The following INO80 variants were observed in gnomAD, a reference collection of about 807,000 sequenced individuals.
INO80 encodes INO80 complex ATPase subunit, also known as chromatin-remodeling ATPase INO80.
INO80 carries 20 observed loss-of-function variants against 203.4 expected under a neutral mutation model. The ratio of observed to expected loss-of-function variants is 0.10; its 90% CI spans 0.07 to 0.14. The LOEUF (loss-of-function observed/expected upper bound fraction) is 0.14. Among genes scored for constraint, INO80 ranks in the 10% least tolerant of loss-of-function variants. The pLI is 1.00. For missense variants in INO80, 1,419 were observed against 1,914.4 expected (o/e 0.74, Z 4.83); for synonymous variants, 726 against 685.2 (o/e 1.06, Z -0.93).
chr15:41,007,906 G>A (rs1421605885), intron 27 of INO80, among the ~76,000 whole-genome samples: 1 of 152,204 alleles, frequency 6.6e-6, no homozygotes, highest in Non-Finnish European at 1.5e-5. Context: ...GGACGAAGTG[G>A]CTCACGCCTG....
At chr15:41,091,949 G>A in intron 5 of INO80, 78 bp downstream of exon 5, 2 of 1,325,696 alleles carry the variant, frequency 1.5e-6, no homozygotes, top group East Asian at 2.3e-5. Flanking sequence ...ACCACGCCCA[G>A]CCAAAATGAT....
At chr15:41,017,643 T>C (rs2044230148) in intron 26 of INO80, 1 of 152,230 alleles carries the variant, frequency 6.6e-6, no homozygotes, top group Admixed American at 6.5e-5. Flanking sequence ...CCATAACAAA[T>C]CATCAGCCAC....
intron 24 of INO80, among the ~76,000 whole-genome samples, chr15:41,037,871 A>T (rs970703489): frequency 1.3e-5 from 2 of 151,522 alleles, no homozygotes; most frequent in Non-Finnish European, 2.9e-5. Context: ...TGAACCCGGG[A>T]CGCAGAGGTT....
At chr15:41,091,761 C>T (rs989384210) in intron 5 of INO80, among the ~76,000 whole-genome samples, 1 of 145,180 alleles carries the variant, frequency 6.9e-6, no homozygotes, top group South Asian at 2.2e-4. Flanking sequence ...TCGAGCAATT[C>T]TCCTGCCTCA....
intron 16 of INO80, among the ~76,000 whole-genome samples, 158 bp downstream of exon 16, chr15:41,058,481 C>T (rs998905489): frequency 6.6e-6 from 1 of 151,754 alleles, no homozygotes; most frequent in Non-Finnish European, 1.5e-5. Flanking sequence ...GGCAGCAAAG[C>T]GAGACCTTGT....
chr15:41,085,304 C>A, intron 7 of INO80, 65 bp downstream of exon 7: 2 of 1,353,740 alleles, frequency 1.5e-6, no homozygotes, highest in Non-Finnish European at 2.1e-6. Context: ...TCTCAGAGTT[C>A]CTCTTTAGTG....
chr15:41,034,075 A>T (rs1002753055), intron 24 of INO80, among the ~76,000 whole-genome samples: 4 of 152,122 alleles, frequency 2.6e-5, no homozygotes, highest in African/African-American at 9.7e-5. Context: ...AAACAAACAA[A>T]AAAACCCAAA....
At chr15:41,061,246 G>A (rs939317883) in intron 14 of INO80, among the ~76,000 whole-genome samples, 1 of 152,036 alleles carries the variant, frequency 6.6e-6, no homozygotes, top group African/African-American at 2.4e-5. Flanking sequence ...GTTGCAGTGA[G>A]CCAAGATTGT....
intron 4 of INO80, among the ~76,000 whole-genome samples, chr15:41,093,768 C>T (rs2045679512): frequency 6.6e-6 from 1 of 151,956 alleles, no homozygotes; most frequent in Admixed American, 6.6e-5. Context: ...TCACTAGAAC[C>T]CAGGAGGTCG....
In INO80 at chr15:41,055,340, T is replaced by C; in HGVS notation, c.2095A>G (p.Met699Val). 6.2e-7 allele frequency: 1 copy of C among 1,612,056 alleles called. No individual in the cohort carries two copies. Reference protein sequence around the residue: ...AELWALLHFIMPTLFDSHEEF... With the variant: ...AELWALLHFIVPTLFDSHEEF... ...TCATGTGAATCAAATAATGTTGGCA[T>C]AATGAAATGCAGCAGAGCCCAAAGC... Residue 699 changes from methionine to valine, a missense_variant, in exon 18 of 36, where the codon ATG becomes GTG. Met to Val is a conservative substitution (Grantham distance 21, BLOSUM62 1). Coordinates refer to ENST00000648947, the MANE Select transcript of INO80 (RefSeq NM_017553.3).
intron 1 of INO80, among the ~76,000 whole-genome samples, chr15:41,113,396 A>G (rs1247287899): frequency 6.6e-6 from 1 of 151,958 alleles, no homozygotes; most frequent in Non-Finnish European, 1.5e-5. Flanking sequence ...CCTCCTGAGT[A>G]GCTGGGATTA....
intron 29 of INO80, among the ~76,000 whole-genome samples, chr15:40,993,877 C>T (rs921461535): frequency 1.3e-5 from 2 of 152,212 alleles, no homozygotes; most frequent in African/African-American, 4.8e-5. Context: ...ATACTCCTAA[C>T]TGATCTTCCT....
At chr15:41,062,320 G>A (rs1021146918) in intron 14 of INO80, among the ~76,000 whole-genome samples, 1 of 151,978 alleles carries the variant, frequency 6.6e-6, no homozygotes, top group Non-Finnish European at 1.5e-5. Context: ...GAATAAAATA[G>A]GCCAAGTATG....
At chr15:41,087,809 C>G (rs1039271661) in intron 5 of INO80, 127 bp from the exon 6 acceptor site, 10 of 874,050 alleles carry the variant, frequency 1.1e-5, no homozygotes, top group Admixed American at 3.2e-5. Context: ...ACAAAGAGAT[C>G]AGTAACATCT....
intron 19 of INO80, among the ~76,000 whole-genome samples, chr15:41,053,450 T>G (rs1432311166): frequency 6.6e-6 from 1 of 152,076 alleles, no homozygotes; most frequent in Admixed American, 6.6e-5. Flanking sequence ...CAAAGACAAC[T>G]GGAGATATCT....
intron 13 of INO80, 75 bp from the exon 14 acceptor site, chr15:41,069,740 A>G: frequency 1.2e-6 from 1 of 810,098 alleles, no homozygotes; most frequent in South Asian, 1.6e-5. Flanking sequence ...ATTAATGACA[A>G]GAACAATCTA....
intron 23 of INO80, among the ~76,000 whole-genome samples, chr15:41,046,769 C>T (rs2044774865): frequency 6.6e-6 from 1 of 151,784 alleles, no homozygotes; most frequent in African/African-American, 2.4e-5. Context: ...AGTGGTGTAC[C>T]ACCACACCCA....
rs560352536 is a variant in INO80, at chr15:41,113,876, C to T, written c.-44+2097G>A. 2.3e-4 allele frequency among the ~76,000 whole-genome samples: 35 copies of T among 152,338 alleles called. 1 individual carries two copies. The highest frequency in any genetic ancestry group is 7.9e-4 in the African/African-American group (33 of 41,570). On this transcript the variant is annotated intron_variant, in intron 1 of 35. Transcript: ENST00000648947. ...TGTGCTCACTACAATTATTTCCTAT[C>T]ACAATTTACAGACTTTCAAAAATTG...
intron 16 of INO80, among the ~76,000 whole-genome samples, 169 bp downstream of exon 16, chr15:41,058,469 TG>T (rs1451107425): frequency 6.6e-6 from 1 of 152,074 alleles, no homozygotes; most frequent in Non-Finnish European, 1.5e-5. Context: ...AAGACTAGCC[TG>T]GGCAGCAAAG....
Sources: gnomAD v4.1 joint callset for allele counts (sites outside exome capture counted in the v4.1 genomes callset) on GRCh38, gnomAD v4.1.1 for gene constraint, MANE v1.5 for transcripts, NCBI Gene and HGNC (gene_info 2026-07-23, HGNC 2026-07-21) for gene names.